The following PPP2R5C variants were observed in gnomAD, a reference collection of about 807,000 sequenced individuals.
The protein encoded by PPP2R5C is protein phosphatase 2 regulatory subunit B'gamma.
PPP2R5C carries 7 observed loss-of-function variants against 68.9 expected under a neutral mutation model. That is an observed-to-expected ratio of 0.10 (90% confidence interval 0.06 to 0.19). The LOEUF (loss-of-function observed/expected upper bound fraction) is 0.19. Among genes scored for constraint, PPP2R5C ranks in the 10% least tolerant of loss-of-function variants. The probability of loss-of-function intolerance (pLI) is 1.00; values close to 1 mark genes in which losing one functional copy is unlikely to be tolerated. For missense variants in PPP2R5C, 348 were observed against 641.3 expected (o/e 0.54, Z 4.94); for synonymous variants, 210 against 222.2 (o/e 0.95, Z 0.49).
chr14:101,819,262 A>G (rs1039796372), intron 1 of PPP2R5C: 1 of 600,280 alleles, frequency 1.7e-6, no homozygotes, highest in Non-Finnish European at 2.9e-6. Context: ...AAGCCTTTGC[A>G]TGGAGCAGTG....
At chr14:101,867,300 G>A (rs577015406) in intron 2 of PPP2R5C, among the ~76,000 whole-genome samples, 1 of 151,996 alleles carries the variant, frequency 6.6e-6, no homozygotes, top group African/African-American at 2.4e-5. Flanking sequence ...CTAGCTACTC[G>A]GTCGGGGCTG....
At chr14:101,873,043 CAT>C (rs2043524027) in intron 2 of PPP2R5C, among the ~76,000 whole-genome samples, 1 of 151,780 alleles carries the variant, frequency 6.6e-6, no homozygotes, top group Non-Finnish European at 1.5e-5. Context: ...TCATTTCACA[CAT>C]TTTTTTTAAT....
exon 14 of PPP2R5C, chr14:101,926,997 C>T (rs1413355347): frequency 6.6e-6 from 1 of 152,050 alleles, no homozygotes; most frequent in Admixed American, 6.6e-5. Flanking sequence ...ATTATGAAAA[C>T]TATCATTAAA....
rs2044690471 is a variant in PPP2R5C at position 101,888,998 on chromosome 14, C to T, written c.630-1239C>T. Among the ~76,000 whole-genome samples the T allele has an allele frequency of 6.6e-6, 1 of 151,912 alleles. No homozygotes were observed. The highest frequency in any genetic ancestry group is 1.5e-5 in the Non-Finnish European group (1 of 68,004). On this transcript the variant is annotated intron_variant, in intron 5 of 13. Transcript: ENST00000334743. The surrounding 1 kb of genome is among the most constrained non-coding windows in gnomAD (Gnocchi z 5.6). ...AGCCAAACGAGTTCTTCTCCCTCTCCACACTGCCATATAAAAAAAAAAAAT... is the reference window on the plus strand; with the variant it reads ...AGCCAAACGAGTTCTTCTCCCTCTCTACACTGCCATATAAAAAAAAAAAAT...
At chr14:101,772,246 T>C (rs2037187749) in intron 2 of PPP2R5C, among the ~76,000 whole-genome samples, 1 of 151,840 alleles carries the variant, frequency 6.6e-6, no homozygotes, top group African/African-American at 2.4e-5. Context: ...GTAGATAAAA[T>C]TAAGGAAAGA....
upstream of PPP2R5C, among the ~76,000 whole-genome samples, chr14:101,809,346 C>A (rs1236262513): frequency 6.6e-6 from 1 of 150,962 alleles, no homozygotes; most frequent in East Asian, 1.9e-4. Context: ...GAATAAGAGT[C>A]CAAACTAATG....
At chr14:101,855,616 G>A (rs941380061) in intron 1 of PPP2R5C, among the ~76,000 whole-genome samples, 5 of 152,130 alleles carry the variant, frequency 3.3e-5, no homozygotes, top group Admixed American at 2.0e-4. Context: ...ACTTGTTCAC[G>A]GAGTTATGCA....
chr14:101,787,921 A>T (rs1182980953), intron 3 of PPP2R5C, among the ~76,000 whole-genome samples: 1 of 152,106 alleles, frequency 6.6e-6, no homozygotes, highest in African/African-American at 2.4e-5. Context: ...TACCTTTCTC[A>T]TGCTATTCAT....
intron 1 of PPP2R5C, among the ~76,000 whole-genome samples, chr14:101,851,011 C>T (rs960430034): frequency 6.6e-6 from 1 of 152,220 alleles, no homozygotes; most frequent in Non-Finnish European, 1.5e-5. Context: ...ATGGCACCGT[C>T]GCTAAATGTT....
chr14:101,810,229 T>A (rs190523319), intron 1 of PPP2R5C: 6 of 593,584 alleles, frequency 1.0e-5, no homozygotes, highest in South Asian at 8.1e-5. Flanking sequence ...AATTTGAGGC[T>A]TGAAAGAGGC....
chr14:101,860,233 C>G (rs1297972897), intron 2 of PPP2R5C, among the ~76,000 whole-genome samples: 1 of 152,164 alleles, frequency 6.6e-6, no homozygotes, highest in African/African-American at 2.4e-5. Context: ...TGAGCAACCA[C>G]TGATTGACTG....
chr14:101,892,569 G>A (rs2045017894), intron 6 of PPP2R5C, among the ~76,000 whole-genome samples: 1 of 152,124 alleles, frequency 6.6e-6, no homozygotes. Flanking sequence ...TTCCTGGTAG[G>A]CATTTAGCAT....
chr14:101,890,193 G>C, intron 5 of PPP2R5C, 44 bp from the exon 8 acceptor site: 1 of 1,528,756 alleles, frequency 6.5e-7, no homozygotes, highest in Middle Eastern at 1.7e-4. Context: ...TCTTATTCAG[G>C]TTAGTTCAGT....
At chr14:101,795,162 A>G (rs1009874492) in intron 3 of PPP2R5C, among the ~76,000 whole-genome samples, 4 of 152,170 alleles carry the variant, frequency 2.6e-5, no homozygotes, top group Non-Finnish European at 4.4e-5. Context: ...ATCTTTTGTT[A>G]TCGTTGTTGT....
intron 3 of PPP2R5C, among the ~76,000 whole-genome samples, chr14:101,803,710 GC>G (rs1431587705): frequency 6.6e-6 from 1 of 150,478 alleles, no homozygotes; most frequent in Non-Finnish European, 1.5e-5. Flanking sequence ...AGCCTGGACA[GC>G]AGAGCAAGAC....
intron 3 of PPP2R5C, among the ~76,000 whole-genome samples, chr14:101,790,650 T>G (rs1377465114): frequency 6.6e-6 from 1 of 152,264 alleles, no homozygotes; most frequent in Admixed American, 6.5e-5. Context: ...ATTTGGGCTG[T>G]TTCTTAGCTG....
At chr14:101,772,976 C>G (rs76233511) in intron 2 of PPP2R5C, among the ~76,000 whole-genome samples, 2,322 of 152,190 alleles carry the variant, frequency 0.015, 60 homozygotes, top group African/African-American at 0.052. Context: ...GGAGTCAGGT[C>G]CCCCTTCTGT....
At chr14:101,816,798 A>G (rs886781492) in intron 1 of PPP2R5C, among the ~76,000 whole-genome samples, 7 of 149,746 alleles carry the variant, frequency 4.7e-5, no homozygotes, top group African/African-American at 1.7e-4. Context: ...ACAATATACA[A>G]TTATTCATTG....
intron 1 of PPP2R5C, among the ~76,000 whole-genome samples, chr14:101,812,296 G>A (rs1327180340): frequency 6.6e-6 from 1 of 152,192 alleles, no homozygotes; most frequent in East Asian, 1.9e-4. Flanking sequence ...GCCACGAGAG[G>A]GCTAAAGCAA....
Sources: allele counts gnomAD v4.1 joint callset (sites outside exome capture counted in the v4.1 genomes callset), GRCh38; gene constraint gnomAD v4.1.1; non-coding constraint Gnocchi (gnomAD v3.1); transcripts MANE v1.5; gene names NCBI Gene and HGNC (gene_info 2026-07-23, HGNC 2026-07-21).